Variants in SLAMF1 observed in about 807,000 individuals in gnomAD.
SLAMF1 encodes the protein signaling lymphocytic activation molecule.
A neutral mutation model predicts 35.1 loss-of-function variants in SLAMF1; 18 were observed. The ratio of observed to expected loss-of-function variants is 0.51; its 90% CI spans 0.35 to 0.76. The LOEUF is 0.76. Among genes scored for constraint, SLAMF1 ranks in the 30% least tolerant of loss-of-function variants. SLAMF1 has a pLI of 0.01. For missense variants in SLAMF1, 392 were observed against 413.0 expected, an observed-to-expected ratio of 0.95 and a Z score of 0.44; for synonymous variants, 168 against 157.2, an observed-to-expected ratio of 1.07 and a Z score of -0.51.
At chr1:160,646,830 C>T in intron 1 of SLAMF1, 40 bp downstream of exon 1, 1 of 1,148,280 alleles carries the variant, frequency 8.7e-7, no homozygotes, top group Non-Finnish European at 1.3e-6. Flanking sequence ...TTCCTGGCAG[C>T]TAACATGGGA....
At chr1:160,632,687 A>T (rs895655480) in intron 3 of SLAMF1, among the ~76,000 whole-genome samples, 1 of 152,138 alleles carries the variant, frequency 6.6e-6, no homozygotes, top group African/African-American at 2.4e-5. Flanking sequence ...TTTGTACTCT[A>T]ATAGGGCAGC....
chr1:160,612,649 G>C, intron 5 of SLAMF1, 69 bp from the exon 6 acceptor site: 1 of 915,192 alleles, frequency 1.1e-6, no homozygotes. Flanking sequence ...CTCTCCGATA[G>C]AGAAGCACAG....
intron 3 of SLAMF1, among the ~76,000 whole-genome samples, chr1:160,633,372 C>T (rs1216042263): frequency 1.3e-5 from 2 of 152,140 alleles, no homozygotes; most frequent in Non-Finnish European, 2.9e-5. Context: ...CTTCCAGGGG[C>T]ACACTGGAGG....
Position 160,610,868 on chromosome 1 carries a change from G to A in SLAMF1, c.958-70C>T, listed in dbSNP as rs1658945448. On this transcript the variant is annotated intron_variant, in intron 6 of 6. Transcript: ENST00000302035. ...ACTTCACAGAATGCAAATGAAAACA[G>A]CACTGCTGAGGAAAAGGAAAGGGTC... The A allele has an allele frequency of 9.6e-6, 11 of 1,146,500 alleles. No individual in the cohort carries two copies. The South Asian group carries it at 1.4e-4, about 14-fold the overall frequency. 71.0% of individuals were successfully genotyped at this position (1,146,500 alleles called of 1,614,324 possible).
At chr1:160,631,148 A>G (rs977523477) in intron 3 of SLAMF1, among the ~76,000 whole-genome samples, 2 of 152,220 alleles carry the variant, frequency 1.3e-5, no homozygotes, top group African/African-American at 4.8e-5. Context: ...AACTAAGTGC[A>G]GTGTTTTAAG....
chr1:160,633,344 G>A (rs1415647435), intron 3 of SLAMF1, among the ~76,000 whole-genome samples: 2 of 152,170 alleles, frequency 1.3e-5, no homozygotes, highest in African/African-American at 4.8e-5. Flanking sequence ...CATGCAGGGG[G>A]TTAGACTCAT....
chr1:160,645,454 TTCCAAAGCC>T (rs1660992302), intron 1 of SLAMF1, among the ~76,000 whole-genome samples: 1 of 152,228 alleles, frequency 6.6e-6, no homozygotes, highest in East Asian at 1.9e-4. Context: ...GACCGGCGAC[TTCCAAAGCC>T]TCAATAAGAC....
rs553237133 is a variant in SLAMF1, at chr1:160,610,917, G to T, written c.958-119C>A. 1.3e-3 allele frequency: 1,050 copies of T among 804,922 alleles called. 2 individuals carry two copies. Among genetic ancestry groups the T allele is most frequent in the Non-Finnish European group, 2.1e-3 (983 of 473,780 alleles). The allele number at this position is 804,922 out of a possible 1,614,324, so 49.9% of individuals were successfully genotyped here. On this transcript the variant is annotated intron_variant, in intron 6 of 6. Coordinates refer to ENST00000302035, the MANE Select transcript of SLAMF1 (RefSeq NM_003037.5). ...TCTTAGAGATCATGGCTTGTGCAGGGTCTGTCACAGACAGGGCCTTGCTGG... is the reference window on the plus strand; with the variant it reads ...TCTTAGAGATCATGGCTTGTGCAGGTTCTGTCACAGACAGGGCCTTGCTGG...
At chr1:160,643,829 C>T (rs373740020) in intron 1 of SLAMF1, among the ~76,000 whole-genome samples, 2 of 152,202 alleles carry the variant, frequency 1.3e-5, no homozygotes, top group African/African-American at 4.8e-5. Context: ...CTATAGTCAC[C>T]GTACTGATCT....
At chr1:160,612,430 A>C in intron 6 of SLAMF1, 58 bp downstream of exon 6, 2 of 1,190,108 alleles carry the variant, frequency 1.7e-6, no homozygotes, top group East Asian at 2.4e-5. Context: ...AAACTTCCTC[A>C]TTTTCCCCTC....
intron 1 of SLAMF1, among the ~76,000 whole-genome samples, chr1:160,640,882 G>A (rs1051620973): frequency 6.6e-6 from 1 of 152,102 alleles, no homozygotes; most frequent in South Asian, 2.1e-4. Context: ...GATGACATGA[G>A]GAACATTATA....
At chr1:160,614,261 G>A (rs1368250212) in intron 5 of SLAMF1, among the ~76,000 whole-genome samples, 2 of 152,184 alleles carry the variant, frequency 1.3e-5, no homozygotes, top group Admixed American at 6.5e-5. Context: ...ATGAGATAAA[G>A]AGGCTATCAA....
At chr1:160,630,106 C>G (rs570911029) in intron 3 of SLAMF1, among the ~76,000 whole-genome samples, 23 of 152,316 alleles carry the variant, frequency 1.5e-4, no homozygotes, top group Non-Finnish European at 2.6e-4. Flanking sequence ...GCATTCCTTT[C>G]TAGATTCCTT....
chr1:160,635,424 G>C (rs1181341130), intron 2 of SLAMF1, among the ~76,000 whole-genome samples: 1 of 152,174 alleles, frequency 6.6e-6, no homozygotes, highest in Non-Finnish European at 1.5e-5. Flanking sequence ...GTGTGTCTGA[G>C]ATAGTGATAG....
chr1:160,636,188 G>C (rs1400786552), intron 2 of SLAMF1, among the ~76,000 whole-genome samples: 1 of 152,234 alleles, frequency 6.6e-6, no homozygotes, highest in African/African-American at 2.4e-5. Context: ...TGCATCATGT[G>C]CAGCCTCCAC....
At chr1:160,630,236 A>G (rs2102321242) in intron 3 of SLAMF1, among the ~76,000 whole-genome samples, 1 of 152,296 alleles carries the variant, frequency 6.6e-6, no homozygotes, top group Admixed American at 6.5e-5. Flanking sequence ...AGTACTTCAT[A>G]GCACCCTAAG....
intron 1 of SLAMF1, 48 bp downstream of exon 1, chr1:160,646,822 C>T (rs373019931): frequency 8.7e-6 from 9 of 1,036,188 alleles, no homozygotes; most frequent in South Asian, 1.3e-5. Flanking sequence ...TACGCTGATT[C>T]CTGGCAGCTA....
At chr1:160,635,025 G>C in intron 2 of SLAMF1, 128 bp from the exon 3 acceptor site, 1 of 772,076 alleles carries the variant, frequency 1.3e-6, no homozygotes, top group Non-Finnish European at 2.1e-6. Context: ...TTTATTTCTA[G>C]TGGGGAATCT....
intron 3 of SLAMF1, among the ~76,000 whole-genome samples, chr1:160,632,647 A>G (rs771630929): frequency 6.6e-6 from 1 of 152,166 alleles, no homozygotes; most frequent in Non-Finnish European, 1.5e-5. Flanking sequence ...TTTTTGGGTT[A>G]GGCCAGGGTA....
Sources: gnomAD v4.1 joint callset for allele counts (sites outside exome capture counted in the v4.1 genomes callset) on GRCh38, gnomAD v4.1.1 for gene constraint, MANE v1.5 for transcripts, NCBI Gene and HGNC (gene_info 2026-07-23, HGNC 2026-07-21) for gene names.